Variants in TGM5 observed in about 807,000 individuals in gnomAD.
The protein encoded by TGM5 is protein-glutamine gamma-glutamyltransferase 5.
Under a neutral mutation model 77.2 loss-of-function variants are expected in TGM5, and 69 were observed. The ratio of observed to expected loss-of-function variants is 0.89; its 90% CI spans 0.74 to 1.09. The LOEUF (loss-of-function observed/expected upper bound fraction) is 1.09, where lower values mean the gene tolerates loss of function less well. Among genes scored for constraint, TGM5 ranks in the 50% least tolerant of loss-of-function variants. TGM5 has a pLI of 0.00. For synonymous variants in TGM5, 346 were observed against 351.8 expected (o/e 0.98, Z 0.18); for missense variants, 842 against 896.5 (o/e 0.94, Z 0.78).
Position 43,238,907 on chromosome 15 carries a change from C to T in TGM5, c.1255G>A (p.Asp419Asn). ...ATAAAATTGCCAACAGAACTCGTGT[C>T]CTGGTGAAGCTTCTGCTCCTTCCCT... ...QGGKEQKLHQ[D>N]TSSVGNFIST... Residue 419 changes from aspartate (D) to asparagine (N), a missense_variant, in exon 9 of 13, where the codon GAC becomes AAC. This residue lies in a region of TGM5 where 815 missense variants were observed against 844.6 expected (regional missense o/e 0.96). Transcript: ENST00000220420. 1.9e-6 allele frequency: 3 copies of T among 1,614,226 alleles called. No homozygotes were observed. Among genetic ancestry groups the T allele is most frequent in the Non-Finnish European group, 2.5e-6 (3 of 1,180,042 alleles).
Position 43,233,277 on chromosome 15 carries a change from G to A in TGM5, c.2077C>T (p.Gln693Ter), listed in dbSNP as rs780096078. 2 of 1,614,120 alleles carry A rather than the reference G, an allele frequency of 1.2e-6. No individual in the cohort carries two copies. The highest frequency in any genetic ancestry group is 2.2e-5 in the South Asian group (2 of 91,078). ...CTCATATTAGCTTGGATCTGCCTTTGTCCACTCTTGAAGGGGACGGTCTCC... is the reference window on the plus strand; with the variant it reads ...CTCATATTAGCTTGGATCTGCCTTTATCCACTCTTGAAGGGGACGGTCTCC... Reference protein sequence around the residue: ...ILETVPFKSGQRQIQANMRSN... With the variant: ...ILETVPFKSG Residue 693 changes from glutamine (Q) to a stop codon, truncating the protein, a stop_gained, in exon 13 of 13, where the codon CAA becomes TAA. Transcript: ENST00000220420. LOFTEE classifies it high-confidence loss of function.
intron 5 of TGM5, 100 bp from the exon 6 acceptor site, chr15:43,253,036 A>G: frequency 7.4e-7 from 1 of 1,347,466 alleles, no homozygotes. Context: ...GAAACAGAGG[A>G]GAGACTTTTG....
At chr15:43,253,402 T>C in intron 5 of TGM5, 104 bp downstream of exon 5, 1 of 1,528,680 alleles carries the variant, frequency 6.5e-7, no homozygotes, top group Non-Finnish European at 8.9e-7. Context: ...CCAAGATGGC[T>C]TTGCCAGAGG....
intron 6 of TGM5, among the ~76,000 whole-genome samples, chr15:43,247,167 A>G (rs1159434043): frequency 1.3e-5 from 2 of 151,878 alleles, no homozygotes; most frequent in African/African-American, 4.8e-5. Context: ...TCAAAAAAAA[A>G]AAAAAAAAAA....
chr15:43,266,807 C>A (rs749744357), intron 1 of TGM5, 33 bp downstream of exon 1: 2 of 1,614,050 alleles, frequency 1.2e-6, no homozygotes, highest in South Asian at 1.1e-5. Context: ...CTTCTTATCC[C>A]TGAACTCCAG....
In TGM5 at chr15:43,232,859, A is replaced by G. The variant is rs1196409499; in HGVS notation, c.*332T>C. Reference sequence around the variant, plus strand: ...TCCAGGGGAGCTGTGCAAATGGTCCAGGGAAATATCCATCCATAGACATTT... The same window carrying G: ...TCCAGGGGAGCTGTGCAAATGGTCCGGGGAAATATCCATCCATAGACATTT... On this transcript the variant is annotated 3_prime_UTR_variant, in exon 13 of 13. Coordinates refer to ENST00000220420, the MANE Select transcript of TGM5 (RefSeq NM_201631.4). 2.9e-6 allele frequency: 1 copy of G among 345,794 alleles called. No individual in the cohort carries two copies. Among genetic ancestry groups the G allele is most frequent in the East Asian group, 7.4e-5 (1 of 13,434 alleles). 21.4% of individuals were successfully genotyped at this position (345,794 alleles called of 1,614,324 possible).
intron 3 of TGM5, among the ~76,000 whole-genome samples, chr15:43,259,284 C>T (rs1218274883): frequency 6.6e-6 from 1 of 151,450 alleles, no homozygotes; most frequent in Admixed American, 6.6e-5. Flanking sequence ...GTGAGATATT[C>T]ACTGTTACTT....
chr15:43,255,320 C>A (rs1011634856), intron 4 of TGM5, among the ~76,000 whole-genome samples: 8 of 152,176 alleles, frequency 5.3e-5, no homozygotes, highest in African/African-American at 1.9e-4. Context: ...GGTGACAGAG[C>A]AAGACCATGT....
At chr15:43,252,404 C>T (rs1490014263) in intron 6 of TGM5, among the ~76,000 whole-genome samples, 1 of 151,938 alleles carries the variant, frequency 6.6e-6, no homozygotes, top group Non-Finnish European at 1.5e-5. Flanking sequence ...GCAACCTCTG[C>T]CCCCCCGGGT....
chr15:43,254,972 C>T (rs554294888), intron 4 of TGM5, among the ~76,000 whole-genome samples: 1 of 152,246 alleles, frequency 6.6e-6, no homozygotes, highest in South Asian at 2.1e-4. Flanking sequence ...TATTCATTTT[C>T]ATATCTCTAG....
chr15:43,245,903 G>C (rs915821373), intron 6 of TGM5, among the ~76,000 whole-genome samples: 3 of 148,988 alleles, frequency 2.0e-5, no homozygotes, highest in Admixed American at 6.7e-5. Context: ...GTGTGTTGGG[G>C]GGGGGGGTCT....
Position 43,260,242 on chromosome 15 carries a change from A to T in TGM5, c.246T>A (p.His82Gln). 2 of 1,613,914 alleles carry T rather than the reference A, an allele frequency of 1.2e-6. No homozygotes were observed. The highest frequency in any genetic ancestry group is 1.7e-6 in the Non-Finnish European group (2 of 1,179,998). The change falls in exon 3 of 13, where the codon CAT becomes CAA. Residue 82 changes from histidine to glutamine, a missense_variant. By Grantham distance (24) the His-to-Gln change is conservative. Around this residue, in one of 2 missense-constraint regions of TGM5, gnomAD observed 815 missense variants for 844.6 expected, o/e 0.96. Transcript: ENST00000220420. Reference protein sequence around the residue: ...GTRAVFSLARHHSPSPWIAWL... With the variant: ...GTRAVFSLARQHSPSPWIAWL... ...AGGCAATCCAGGGGCTGGGGCTGTG[A>T]TGGCGTGCCAGGCTGAACACAGCCC...
intron 6 of TGM5, among the ~76,000 whole-genome samples, chr15:43,246,974 A>G (rs867602109): frequency 1.3e-5 from 2 of 152,230 alleles, no homozygotes; most frequent in Non-Finnish European, 1.5e-5. Context: ...CCTGGCCAAC[A>G]TGGCGAAACC....
rs1317466257 is a variant in TGM5 at position 43,240,960 on chromosome 15, A to G, written c.893T>C (p.Val298Ala). The change falls in exon 7 of 13, where the codon GTG becomes GCG. Residue 298 changes from valine to alanine, a missense_variant. Val to Ala is a moderately conservative substitution (Grantham distance 64, BLOSUM62 0). Transcript: ENST00000220420. ...VMRCLGIPTR[V>A]ITNFDSGHDT... Reference sequence around the variant, plus strand: ...GTGGCCAGAGTCGAAGTTGGTGATCACACGGGTAGGGATCCCCAGACACCT... The same window carrying G: ...GTGGCCAGAGTCGAAGTTGGTGATCGCACGGGTAGGGATCCCCAGACACCT... The G allele has an allele frequency of 6.2e-7, 1 of 1,614,208 alleles. No homozygotes were observed. The highest frequency in any genetic ancestry group is 1.1e-5 in the South Asian group (1 of 91,084).
Position 43,239,178 on chromosome 15 carries a change from G to A in TGM5, c.1090C>T (p.Gln364Ter). The change falls in exon 8 of 13, where the codon CAG (glutamine) becomes TAG (stop). Residue 364 changes from glutamine to a stop codon, truncating the protein, a stop_gained. Coordinates refer to ENST00000220420, the MANE Select transcript of TGM5 (RefSeq NM_201631.4). LOFTEE classifies it high-confidence loss of function. ...GGWQVLDATP[Q>*]EMSNGVYCCG... ...AGAGCCTCACCGTTGCTCATCTCCTGAGGTGTGGCGTCCAGCACCTGCCAG... is the reference window on the plus strand; with the variant it reads ...AGAGCCTCACCGTTGCTCATCTCCTAAGGTGTGGCGTCCAGCACCTGCCAG... 1 of 1,614,146 alleles carries A rather than the reference G, an allele frequency of 6.2e-7. No homozygotes were observed. Among genetic ancestry groups the A allele is most frequent in the Middle Eastern group, 1.6e-4 (1 of 6,062 alleles).
chr15:43,241,949 T>C (rs1158056276), intron 6 of TGM5, among the ~76,000 whole-genome samples: 1 of 152,186 alleles, frequency 6.6e-6, no homozygotes, highest in Non-Finnish European at 1.5e-5. Context: ...CTCTGTGCTC[T>C]TTTAAGTACA....
chr15:43,265,225 C>T (rs774809241), intron 1 of TGM5, among the ~76,000 whole-genome samples: 4 of 152,192 alleles, frequency 2.6e-5, no homozygotes, highest in Non-Finnish European at 5.9e-5. Context: ...AACCAGGATT[C>T]CTGAGCCCAG....
intron 1 of TGM5, among the ~76,000 whole-genome samples, chr15:43,265,034 G>C (rs2042815297): frequency 6.6e-6 from 1 of 152,210 alleles, no homozygotes; most frequent in Non-Finnish European, 1.5e-5. Flanking sequence ...TCAGATTTCA[G>C]ATTTAATCAA....
chr15:43,235,398 C>T, intron 10 of TGM5, 71 bp downstream of exon 10: 2 of 1,608,922 alleles, frequency 1.2e-6, no homozygotes, highest in Non-Finnish European at 8.5e-7. Context: ...CCCCAGAACC[C>T]TGTTGGCTGG....
Sources: allele counts gnomAD v4.1 joint callset (sites outside exome capture counted in the v4.1 genomes callset), GRCh38; gene constraint gnomAD v4.1.1; regional missense constraint gnomAD v4.1.1; transcripts MANE v1.5; gene names NCBI Gene and HGNC (gene_info 2026-07-23, HGNC 2026-07-21).